The following LPP variants were observed in gnomAD, a reference collection of about 807,000 sequenced individuals.
The protein encoded by LPP is LIM domain containing preferred translocation partner in lipoma, also known as lipoma-preferred partner.
Under a neutral mutation model 60.4 loss-of-function variants are expected in LPP, and 38 were observed. The observed-to-expected ratio is 0.63, with a 90% confidence interval of 0.49 to 0.83. LPP has a LOEUF of 0.83. Among genes scored for constraint, LPP ranks in the 40% least tolerant of loss-of-function variants. LPP has a pLI of 0.00. For synonymous variants in LPP, 328 were observed against 290.8 expected (o/e 1.13, Z -1.30); for missense variants, 902 against 783.6 (o/e 1.15, Z -1.80).
intron 1 of LPP, among the ~76,000 whole-genome samples, chr3:188,197,579 G>C (rs1208972081): frequency 6.6e-6 from 1 of 152,140 alleles, no homozygotes; most frequent in Admixed American, 6.5e-5. Flanking sequence ...CAGCACCAGA[G>C]ACAGGAAAGA....
chr3:188,214,156 T>C (rs1712530201), intron 1 of LPP, among the ~76,000 whole-genome samples: 1 of 152,106 alleles, frequency 6.6e-6, no homozygotes, highest in Non-Finnish European at 1.5e-5. Flanking sequence ...AGACAGAGTC[T>C]TGCTCTATCG....
chr3:188,751,620 G>A (rs888825487), intron 8 of LPP, among the ~76,000 whole-genome samples: 2 of 152,174 alleles, frequency 1.3e-5, no homozygotes, highest in African/African-American at 2.4e-5. Flanking sequence ...TAGAAAACTG[G>A]TTAAGTGGAC....
chr3:188,203,426 A>AATATAAATATATATTT (rs1220248665), intron 1 of LPP, among the ~76,000 whole-genome samples: 1 of 91,122 alleles, frequency 1.1e-5, no homozygotes, highest in Admixed American at 1.9e-4. Context: ...ATATAATATA[A>AATATAAATATATATTT]ATATAAATAT....
At chr3:188,320,386 A>G (rs1376851455) in intron 2 of LPP, among the ~76,000 whole-genome samples, 2 of 152,232 alleles carry the variant, frequency 1.3e-5, no homozygotes, top group African/African-American at 4.8e-5. Flanking sequence ...CCTGCCCTGC[A>G]GTCTCAACTC....
chr3:188,663,480 T>C (rs1855058510), intron 7 of LPP, among the ~76,000 whole-genome samples: 1 of 152,204 alleles, frequency 6.6e-6, no homozygotes, highest in South Asian at 2.1e-4. Context: ...TTTTCTTTTC[T>C]CCACCTCCCA....
At chr3:188,665,147 ATTTTGCTGTTAGACTTATCATTAT>A (rs1855483397) in intron 7 of LPP, among the ~76,000 whole-genome samples, 2 of 152,076 alleles carry the variant, frequency 1.3e-5, no homozygotes, top group African/African-American at 4.8e-5. Context: ...TCAAATTCAA[ATTTTGCTGTTAGACTTATCATTAT>A]AATGAAATTG....
intron 9 of LPP, among the ~76,000 whole-genome samples, chr3:188,831,120 C>T (rs1004301542): frequency 2.6e-5 from 4 of 152,148 alleles, no homozygotes; most frequent in Non-Finnish European, 5.9e-5. Context: ...TTGCCATGGT[C>T]TACCAGGAGA....
intron 6 of LPP, among the ~76,000 whole-genome samples, chr3:188,600,975 T>C (rs1310983558): frequency 6.6e-6 from 1 of 152,104 alleles, no homozygotes; most frequent in Non-Finnish European, 1.5e-5. Context: ...TGTGTATATA[T>C]ATATATCACA....
At chr3:188,175,721 T>A (rs779660573) in intron 1 of LPP, among the ~76,000 whole-genome samples, 2 of 152,196 alleles carry the variant, frequency 1.3e-5, no homozygotes, top group Non-Finnish European at 2.9e-5. Context: ...AAGGTCCTAT[T>A]TTTCAGATAA....
At chr3:188,721,317 G>A (rs1414015222) in intron 8 of LPP, among the ~76,000 whole-genome samples, 2 of 152,092 alleles carry the variant, frequency 1.3e-5, no homozygotes, top group South Asian at 2.1e-4. Context: ...TTGGGAGGCC[G>A]AGGCTGGAGA....
intron 4 of LPP, among the ~76,000 whole-genome samples, chr3:188,459,315 A>G (rs1043924779): frequency 1.3e-5 from 2 of 152,158 alleles, no homozygotes; most frequent in African/African-American, 4.8e-5. Flanking sequence ...CTTAATTTGA[A>G]TGAACACGCC....
intron 5 of LPP, among the ~76,000 whole-genome samples, chr3:188,513,171 A>C (rs1816327011): frequency 6.6e-6 from 1 of 152,234 alleles, no homozygotes; most frequent in Admixed American, 6.5e-5. Flanking sequence ...TCAATGTAGA[A>C]ATTTCAAATA....
chr3:188,406,338 G>A, intron 4 of LPP, 25 bp downstream of exon 4: 1 of 1,595,062 alleles, frequency 6.3e-7, no homozygotes, highest in Non-Finnish European at 8.6e-7. Context: ...TTCAGAGTTG[G>A]TTACTTGGAG....
chr3:188,265,621 CT>C (rs1735218281), intron 2 of LPP, among the ~76,000 whole-genome samples: 1 of 152,050 alleles, frequency 6.6e-6, no homozygotes, highest in African/African-American at 2.4e-5. Context: ...TTGTTTTAGG[CT>C]TTGCTAGATG....
chr3:188,268,422 C>T (rs1225148060), intron 2 of LPP, among the ~76,000 whole-genome samples: 1 of 152,198 alleles, frequency 6.6e-6, no homozygotes, highest in African/African-American at 2.4e-5. Context: ...TCTGGCACTG[C>T]CATTTGGTTG....
At chr3:188,507,175 C>T (rs942283445) in intron 5 of LPP, among the ~76,000 whole-genome samples, 33 of 152,058 alleles carry the variant, frequency 2.2e-4, no homozygotes, top group Admixed American at 3.9e-4. Context: ...ATTCTTTCTT[C>T]GACTGTGCAA....
At chr3:188,617,751 G>A (rs1560651187) in intron 7 of LPP, among the ~76,000 whole-genome samples, 1 of 152,188 alleles carries the variant, frequency 6.6e-6, no homozygotes, top group African/African-American at 2.4e-5. Flanking sequence ...CCTTTGGAAA[G>A]TTCAGCAAAT....
intron 7 of LPP, among the ~76,000 whole-genome samples, chr3:188,635,005 G>T (rs150508128): frequency 6.6e-6 from 1 of 152,044 alleles, no homozygotes; most frequent in Non-Finnish European, 1.5e-5. Flanking sequence ...TTGTGCAGCC[G>T]TCCTTCTAGA....
chr3:188,583,814 A>T (rs1437119529), intron 6 of LPP, among the ~76,000 whole-genome samples: 1 of 152,088 alleles, frequency 6.6e-6, no homozygotes, highest in African/African-American at 2.4e-5. Context: ...GAATTTTCTT[A>T]CCTCTGTAAT....
Sources: allele counts gnomAD v4.1 joint callset (sites outside exome capture counted in the v4.1 genomes callset), GRCh38; gene constraint gnomAD v4.1.1; transcripts MANE v1.5; gene names NCBI Gene and HGNC (gene_info 2026-07-23, HGNC 2026-07-21).